UGT1A5: variants seen among roughly 807,000 people sequenced by gnomAD.
UGT1A5 encodes the protein UDP-glucuronosyltransferase 1A5.
UGT1A5 carries 29 observed loss-of-function variants against 40.3 expected under a neutral mutation model. The ratio of observed to expected loss-of-function variants is 0.72; its 90% confidence interval spans 0.54 to 0.98. UGT1A5 has a LOEUF of 0.98. Among genes scored for constraint, UGT1A5 ranks in the 50% least tolerant of loss-of-function variants. The pLI is 0.00. For synonymous variants in UGT1A5, 257 were observed against 262.5 expected (o/e 0.98, Z 0.20); for missense variants, 678 against 677.9 (o/e 1.00, Z 0.00).
intron 1 of UGT1A5, among the ~76,000 whole-genome samples, chr2:233,761,952 C>G (rs1458039003): frequency 6.6e-6 from 1 of 152,184 alleles, no homozygotes; most frequent in Non-Finnish European, 1.5e-5. Context: ...CGTCTGGCTC[C>G]CATTAAGGGG....
intron 1 of UGT1A5, among the ~76,000 whole-genome samples, chr2:233,731,284 C>CTTTTTTTTTTTTT (rs78127606): frequency 7.2e-6 from 1 of 139,766 alleles, no homozygotes. Context: ...GTTTTTCTTT[C>CTTTTTTTTTTTTT]TTTTTTTTTT....
intron 4 of UGT1A5, among the ~76,000 whole-genome samples, chr2:233,768,740 G>A (rs6431630): frequency 0.18 from 26,721 of 151,438 alleles, 3,378 homozygotes; most frequent in African/African-American, 0.35. Context: ...CCACCACCAC[G>A]CCCGGTTAAT....
intron 1 of UGT1A5, chr2:233,747,599 G>A: frequency 6.3e-7 from 1 of 1,574,950 alleles, no homozygotes; most frequent in Non-Finnish European, 8.7e-7. Flanking sequence ...GGTCTTGTGT[G>A]GAGCTACTGC....
intron 1 of UGT1A5, among the ~76,000 whole-genome samples, chr2:233,722,827 A>G (rs908422971): frequency 6.7e-6 from 1 of 149,568 alleles, no homozygotes; most frequent in East Asian, 1.9e-4. Context: ...GTTATTTTGT[A>G]TTATAATAAG....
Position 233,757,535 on chromosome 2 carries a change from A to AATATATATACATATACATATAT in UGT1A5, c.868-9490_868-9489insCATATACATATATATATATATA, listed in dbSNP as rs376887521. Among the ~76,000 whole-genome samples, 172 of 87,958 alleles carry AATATATATACATATACATATAT rather than the reference A, an allele frequency of 2.0e-3. 2 individuals carry two copies. The highest frequency in any genetic ancestry group is 3.2e-3 in the South Asian group (6 of 1,904). The allele number at this position is 87,958 out of a possible 152,430, so 57.7% of individuals were successfully genotyped here. On this transcript the variant is annotated intron_variant, in intron 1 of 4. Coordinates refer to ENST00000373414, the MANE Select transcript of UGT1A5 (RefSeq NM_019078.2). ...CAAAGCCAAAATCTTGCCTGTAAGG[A>AATATATATACATATACATATAT]ATATATATATATATATATATATATA... is the stretch of plus-strand genomic sequence containing the variant.
At chr2:233,755,366 T>C in intron 1 of UGT1A5, 1 of 363,028 alleles carries the variant, frequency 2.8e-6, no homozygotes, top group East Asian at 7.5e-5. Context: ...CTGGGCCGCC[T>C]GGAGGGCCGC....
intron 1 of UGT1A5, among the ~76,000 whole-genome samples, chr2:233,725,209 CAGAGGCAGAGGA>C (rs2077393142): frequency 1.2e-5 from 1 of 85,868 alleles, no homozygotes; most frequent in East Asian, 2.5e-4. Flanking sequence ...GAGGCAGAGG[CAGAGGCAGAGGA>C]GGCAGAGGCA....
At chr2:233,719,259 G>A (rs746608425) in intron 1 of UGT1A5, 2 of 1,614,146 alleles carry the variant, frequency 1.2e-6, no homozygotes, top group Admixed American at 1.7e-5. Flanking sequence ...TACTTCCTTT[G>A]ATGTGGTTTT....
At chr2:233,722,345 T>C (rs2077007826) in intron 1 of UGT1A5, among the ~76,000 whole-genome samples, 2 of 152,264 alleles carry the variant, frequency 1.3e-5, no homozygotes, top group African/African-American at 4.8e-5. Context: ...GAAATTTTTC[T>C]ACAAATATAC....
At chr2:233,764,695 A>C (rs1698624140) in intron 1 of UGT1A5, among the ~76,000 whole-genome samples, 1 of 152,184 alleles carries the variant, frequency 6.6e-6, no homozygotes. Context: ...GAGCACTTGG[A>C]AATGAGCTGT....
At chr2:233,743,640 A>T in intron 1 of UGT1A5, 1 of 1,367,298 alleles carries the variant, frequency 7.3e-7, no homozygotes, top group Non-Finnish European at 9.8e-7. Context: ...GGGTCGCGGA[A>T]GCTGAAGACG....
chr2:233,765,344 A>G (rs1008293425), intron 1 of UGT1A5, among the ~76,000 whole-genome samples: 8 of 152,240 alleles, frequency 5.3e-5, no homozygotes, highest in Non-Finnish European at 1.0e-4. Flanking sequence ...TAACAAAGTC[A>G]TGGAACCAAC....
chr2:233,748,109 G>A (rs1215169809), intron 1 of UGT1A5: 2 of 1,612,198 alleles, frequency 1.2e-6, no homozygotes, highest in African/African-American at 1.3e-5. Context: ...TCCAATCAAT[G>A]TTCCAGGCAA....
chr2:233,757,637 C>T (rs375047032), intron 1 of UGT1A5, among the ~76,000 whole-genome samples: 1 of 148,590 alleles, frequency 6.7e-6, no homozygotes, highest in Non-Finnish European at 1.5e-5. Context: ...CAGAACAGAA[C>T]AAAATGCTGT....
At chr2:233,731,449 C>T (rs2078164021) in intron 1 of UGT1A5, among the ~76,000 whole-genome samples, 1 of 152,132 alleles carries the variant, frequency 6.6e-6, no homozygotes, top group South Asian at 2.1e-4. Flanking sequence ...CCCCACCCCA[C>T]AACAGGCCCT....
chr2:233,728,958 A>G (rs2077771946), intron 1 of UGT1A5: 1 of 1,444,154 alleles, frequency 6.9e-7, no homozygotes, highest in Non-Finnish European at 9.2e-7. Flanking sequence ...CCCACAGTGA[A>G]AAACAGTGAT....
At chr2:233,746,742 CAAAGCAGAGATT>C (rs1462654911) in intron 1 of UGT1A5, among the ~76,000 whole-genome samples, 1 of 151,752 alleles carries the variant, frequency 6.6e-6, no homozygotes, top group East Asian at 1.9e-4. Context: ...GCTTTGGTTC[CAAAGCAGAGATT>C]AATTGGATTG....
At chr2:233,741,094 A>G (rs1452297102) in intron 1 of UGT1A5, among the ~76,000 whole-genome samples, 2 of 151,824 alleles carry the variant, frequency 1.3e-5, no homozygotes, top group Non-Finnish European at 2.9e-5. Flanking sequence ...CAAACAAGCA[A>G]ACAGACAATC....
Position 233,744,055 on chromosome 2 carries a change from C to A in UGT1A5, c.868-22979C>A, listed in dbSNP as rs115067532. 2,270 of 645,232 alleles carry A rather than the reference C, an allele frequency of 3.5e-3. 102 individuals carry two copies. The African/African-American group carries it at 0.042, about 12-fold the overall frequency. 40.0% of individuals were successfully genotyped at this position (645,232 alleles called of 1,614,324 possible). A position where few individuals can be genotyped will look rare whatever the true frequency, so the allele number is the denominator to read the frequency against. ...TATGACGCAGCCACATCTCATTGGT[C>A]GAGGCCTATGAGCGCCTCGCATCCC... is the stretch of plus-strand genomic sequence containing the variant. On this transcript the variant is annotated intron_variant, in intron 1 of 4. Coordinates refer to ENST00000373414, the MANE Select transcript of UGT1A5 (RefSeq NM_019078.2).
Sources: allele counts gnomAD v4.1 joint callset (sites outside exome capture counted in the v4.1 genomes callset), GRCh38; gene constraint gnomAD v4.1.1; transcripts MANE v1.5; gene names NCBI Gene and HGNC (gene_info 2026-07-23, HGNC 2026-07-21).